The following CFAP61 variants were observed in gnomAD, a reference collection of about 807,000 sequenced individuals.
The protein encoded by CFAP61 is cilia- and flagella-associated protein 61.
In CFAP61, 107 loss-of-function variants were observed where a neutral mutation model predicts 135.6. That is an observed-to-expected ratio of 0.79 (90% CI 0.67 to 0.93). The LOEUF (loss-of-function observed/expected upper bound fraction) is 0.93, where lower values mean the gene tolerates loss of function less well. Among genes scored for constraint, CFAP61 ranks in the 40% least tolerant of loss-of-function variants. The pLI is 0.00. For missense variants in CFAP61, 1,507 were observed against 1,556.2 expected, an observed-to-expected ratio of 0.97 and a Z score of 0.53; for synonymous variants, 575 against 578.5, an observed-to-expected ratio of 0.99 and a Z score of 0.09.
At chr20:20,061,862 C>A (rs2044825090) in intron 2 of CFAP61, among the ~76,000 whole-genome samples, 1 of 152,164 alleles carries the variant, frequency 6.6e-6, no homozygotes, top group Non-Finnish European at 1.5e-5. Context: ...GGCAGCAGGG[C>A]TGGCCCAGGA....
chr20:20,063,239 T>C (rs1460128311), intron 2 of CFAP61, among the ~76,000 whole-genome samples: 1 of 152,174 alleles, frequency 6.6e-6, no homozygotes, highest in Non-Finnish European at 1.5e-5. Context: ...TTTATGAGGC[T>C]AGCATAATGT....
intron 18 of CFAP61, chr20:20,233,028 C>T (rs2049274610): frequency 6.6e-6 from 1 of 152,186 alleles, no homozygotes; most frequent in Admixed American, 6.5e-5. Flanking sequence ...ATCCCCTCAT[C>T]TGGTTGAATG....
chr20:20,311,583 G>A (rs979060473), intron 25 of CFAP61, among the ~76,000 whole-genome samples: 2 of 152,110 alleles, frequency 1.3e-5, no homozygotes, highest in African/African-American at 2.4e-5. Flanking sequence ...AGAGTCCGGG[G>A]AGACCAAGGC....
chr20:20,111,618 C>T (rs1267737967), intron 8 of CFAP61, among the ~76,000 whole-genome samples: 3 of 152,152 alleles, frequency 2.0e-5, no homozygotes, highest in Non-Finnish European at 4.4e-5. Context: ...CTCATTGAAA[C>T]TATGCAAACA....
intron 21 of CFAP61, 85 bp downstream of exon 21, chr20:20,263,215 T>A: frequency 1.1e-6 from 1 of 948,056 alleles, no homozygotes; most frequent in Non-Finnish European, 1.5e-6. Context: ...TTCCAGTATA[T>A]AATTAGTGCC....
intron 25 of CFAP61, among the ~76,000 whole-genome samples, chr20:20,301,025 G>T (rs1037664238): frequency 7.9e-5 from 12 of 152,214 alleles, no homozygotes; most frequent in Middle Eastern, 3.4e-3. Context: ...GAATAATAAA[G>T]ATTGAGAAAC....
intron 3 of CFAP61, among the ~76,000 whole-genome samples, chr20:20,072,255 T>C (rs1055186011): frequency 7.3e-5 from 11 of 151,448 alleles, no homozygotes; most frequent in African/African-American, 2.4e-4. Context: ...GCTGGGACTA[T>C]AGGCGCCTGC....
intron 17 of CFAP61, among the ~76,000 whole-genome samples, chr20:20,220,840 T>A (rs2048351281): frequency 6.6e-6 from 1 of 152,226 alleles, no homozygotes; most frequent in South Asian, 2.1e-4. Flanking sequence ...TTTCAGCTCA[T>A]GTCCTCATTT....
At chr20:20,169,606 A>G (rs1412303588) in intron 13 of CFAP61, 146 bp downstream of exon 13, 4 of 675,986 alleles carry the variant, frequency 5.9e-6, no homozygotes, top group Non-Finnish European at 6.5e-6. Context: ...ATTTTAACTA[A>G]TACATTTAGA....
rs1432273894 is a variant in CFAP61, at chr20:20,087,986, A to G, written c.567-2858A>G. Among the ~76,000 whole-genome samples the G allele has an allele frequency of 5.3e-5, 8 of 152,264 alleles. No individual in the cohort carries two copies. The Middle Eastern group carries it at 0.01, about 194-fold the overall frequency. ...GCTCAGTGATCACATGCAGAAATAG[A>G]TGGACAAGTGGTCAAGGCCCTACCT... On this transcript the variant is annotated intron_variant, in intron 6 of 26. Transcript: ENST00000245957.
intron 18 of CFAP61, among the ~76,000 whole-genome samples, chr20:20,237,932 T>C (rs2049720633): frequency 6.6e-6 from 1 of 152,260 alleles, no homozygotes; most frequent in Non-Finnish European, 1.5e-5. Flanking sequence ...TGGTGTTTAC[T>C]CCAACCACTA....
chr20:20,093,591 C>T (rs1385933935), intron 7 of CFAP61, among the ~76,000 whole-genome samples: 1 of 151,778 alleles, frequency 6.6e-6, no homozygotes, highest in Non-Finnish European at 1.5e-5. Context: ...TGTGCCACCA[C>T]ACCAGGCTAA....
intron 9 of CFAP61, among the ~76,000 whole-genome samples, chr20:20,158,784 TG>T (rs1394910142): frequency 1.3e-5 from 2 of 152,096 alleles, no homozygotes; most frequent in Non-Finnish European, 2.9e-5. Context: ...CATGGAAGCT[TG>T]GGGGGCGATG....
chr20:20,189,770 G>A (rs930296869), intron 14 of CFAP61, among the ~76,000 whole-genome samples: 15 of 152,182 alleles, frequency 9.9e-5, no homozygotes, highest in African/African-American at 3.6e-4. Context: ...AAATATTTTG[G>A]CTGTTTATTT....
chr20:20,204,078 TC>T (rs2056754424), intron 17 of CFAP61, among the ~76,000 whole-genome samples: 1 of 152,120 alleles, frequency 6.6e-6, no homozygotes. Context: ...CAATAGTTGC[TC>T]CCCATCATCC....
chr20:20,270,397 A>C (rs1165685750), intron 21 of CFAP61, among the ~76,000 whole-genome samples: 3 of 152,228 alleles, frequency 2.0e-5, no homozygotes, highest in African/African-American at 7.2e-5. Flanking sequence ...AAAGAATAAA[A>C]TGACTTTTTA....
chr20:20,256,127 A>G (rs1036539869), intron 20 of CFAP61, among the ~76,000 whole-genome samples: 7 of 152,220 alleles, frequency 4.6e-5, no homozygotes, highest in African/African-American at 1.7e-4. Flanking sequence ...CCTCCAGATC[A>G]GTCCATCCAC....
At chr20:20,149,144 A>G (rs1384775003) in intron 9 of CFAP61, among the ~76,000 whole-genome samples, 1 of 152,244 alleles carries the variant, frequency 6.6e-6, no homozygotes, top group African/African-American at 2.4e-5. Flanking sequence ...TCAAGTATAC[A>G]TAGAACATGG....
rs536916800 is a variant in CFAP61 at position 20,331,493 on chromosome 20, A to G, written c.3423-10338A>G. ...TTGCTGAAAGAGAATTATTTTTAAC[A>G]TGTATTCATTATTTATTTTTAAAAT... On this transcript the variant is annotated intron_variant, in intron 25 of 26. Coordinates refer to ENST00000245957, the MANE Select transcript of CFAP61 (RefSeq NM_015585.4). Among the ~76,000 whole-genome samples the G allele has an allele frequency of 4.6e-5, 7 of 152,118 alleles. No individual in the cohort carries two copies. The South Asian group carries it at 1.5e-3, about 32-fold the overall frequency.
Sources: gnomAD v4.1 joint callset for allele counts (sites outside exome capture counted in the v4.1 genomes callset) on GRCh38, gnomAD v4.1.1 for gene constraint, MANE v1.5 for transcripts, NCBI Gene and HGNC (gene_info 2026-07-23, HGNC 2026-07-21) for gene names.